PARD3B: variants seen among roughly 807,000 people sequenced by gnomAD.
The protein encoded by PARD3B is par-3 family cell polarity regulator beta, also known as partitioning defective 3 homolog B.
In PARD3B, 103 loss-of-function variants were observed where a neutral mutation model predicts 130.2. The observed-to-expected ratio is 0.79, with a 90% CI of 0.67 to 0.93. The LOEUF is 0.93. Ranked by LOEUF, PARD3B falls within the 40% of genes least tolerant of loss-of-function variation. PARD3B has a pLI of 0.00. For synonymous variants in PARD3B, 583 were observed against 553.2 expected (o/e 1.05, Z -0.76); for missense variants, 1,609 against 1,499.2 (o/e 1.07, Z -1.21).
At chr2:204,718,803 G>T (rs77192198) in intron 2 of PARD3B, among the ~76,000 whole-genome samples, 1 of 152,200 alleles carries the variant, frequency 6.6e-6, no homozygotes, top group Non-Finnish European at 1.5e-5. Context: ...TGAGATATGT[G>T]TATCCCTGAG....
chr2:204,896,736 A>G (rs1022435335), intron 2 of PARD3B, among the ~76,000 whole-genome samples: 2 of 152,216 alleles, frequency 1.3e-5, no homozygotes, highest in African/African-American at 2.4e-5. Context: ...GGAGTGGACA[A>G]TATCTATTTA....
rs1019607656 is a variant in PARD3B at position 205,185,635 on chromosome 2, G to T, written c.1925-129G>T. The T allele has an allele frequency of 4.3e-5, 29 of 676,464 alleles. No individual in the cohort carries two copies. In the African/African-American group the frequency reaches 4.4e-4, roughly 10 times the overall value. 41.9% of individuals were successfully genotyped at this position (676,464 alleles called of 1,614,324 possible). The stretch of plus-strand genomic sequence containing the variant: ...ATAAGGATCCTTCAGTTCTGTATGA[G>T]AACTTATTTATTTCAGGGCTGGTTT... On this transcript the variant is annotated intron_variant, in intron 13 of 22. Transcript: ENST00000406610.
intron 19 of PARD3B, among the ~76,000 whole-genome samples, chr2:205,429,279 A>G (rs184739841): frequency 2.1e-3 from 321 of 152,242 alleles, no homozygotes; most frequent in African/African-American, 7.5e-3. Flanking sequence ...CTAGGACACT[A>G]ACTCCTGACT....
intron 4 of PARD3B, among the ~76,000 whole-genome samples, chr2:205,053,611 G>C (rs1009155303): frequency 4.0e-5 from 6 of 150,734 alleles, no homozygotes; most frequent in Non-Finnish European, 8.8e-5. Flanking sequence ...CTGCCCTCCA[G>C]CCTGGGCAGC....
intron 1 of PARD3B, among the ~76,000 whole-genome samples, chr2:204,682,473 G>T (rs1000713334): frequency 2.0e-5 from 3 of 152,106 alleles, no homozygotes; most frequent in Non-Finnish European, 4.4e-5. Context: ...TCATTTTGTG[G>T]ATATGTGCCA....
intron 13 of PARD3B, among the ~76,000 whole-genome samples, chr2:205,184,915 G>A (rs1360413438): frequency 6.6e-6 from 1 of 152,048 alleles, no homozygotes; most frequent in African/African-American, 2.4e-5. Flanking sequence ...CAGTAGGGTT[G>A]GAAACATGGC....
chr2:205,596,680 G>T (rs1337230336), intron 22 of PARD3B, among the ~76,000 whole-genome samples: 1 of 152,174 alleles, frequency 6.6e-6, no homozygotes, highest in Non-Finnish European at 1.5e-5. Context: ...TGCTGGGTAT[G>T]GGGGAGAATG....
At chr2:205,109,349 G>C (rs1012826988) in intron 5 of PARD3B, among the ~76,000 whole-genome samples, 5 of 152,172 alleles carry the variant, frequency 3.3e-5, no homozygotes, top group Admixed American at 3.3e-4. Context: ...TCAGCCATGT[G>C]CTGCAGTCCT....
At chr2:204,697,712 C>T (rs940382945) in intron 2 of PARD3B, among the ~76,000 whole-genome samples, 9 of 152,034 alleles carry the variant, frequency 5.9e-5, no homozygotes, top group African/African-American at 2.2e-4. Flanking sequence ...TCCGTTGTCC[C>T]CTTTCTCCCT....
chr2:205,236,501 G>A (rs2039068580), intron 15 of PARD3B, among the ~76,000 whole-genome samples: 1 of 152,138 alleles, frequency 6.6e-6, no homozygotes, highest in South Asian at 2.1e-4. Context: ...GCCAAGGAGA[G>A]ATGCCCCAGG....
chr2:205,026,262 T>C (rs534144326), intron 3 of PARD3B, among the ~76,000 whole-genome samples: 1 of 152,206 alleles, frequency 6.6e-6, no homozygotes, highest in South Asian at 2.1e-4. Context: ...TAGGGCAGTC[T>C]GGGTGAATTT....
At chr2:204,617,282 A>C (rs1452461130) in intron 1 of PARD3B, among the ~76,000 whole-genome samples, 1 of 152,166 alleles carries the variant, frequency 6.6e-6, no homozygotes, top group Non-Finnish European at 1.5e-5. Flanking sequence ...TGATTCTTTC[A>C]AGCCTCCTTT....
At chr2:205,495,691 G>T (rs1045165177) in intron 20 of PARD3B, among the ~76,000 whole-genome samples, 6 of 152,168 alleles carry the variant, frequency 3.9e-5, no homozygotes, top group Non-Finnish European at 7.4e-5. Context: ...TTCTTGTTCA[G>T]TATCTTGCTA....
At chr2:204,842,393 CCTTTA>C (rs1404575613) in intron 2 of PARD3B, among the ~76,000 whole-genome samples, 1 of 151,844 alleles carries the variant, frequency 6.6e-6, no homozygotes, top group Non-Finnish European at 1.5e-5. Flanking sequence ...GCTTTCATTT[CCTTTA>C]AAGAATAATA....
chr2:205,009,435 G>T (rs1425582883), intron 3 of PARD3B, among the ~76,000 whole-genome samples: 3 of 152,138 alleles, frequency 2.0e-5, no homozygotes, highest in Non-Finnish European at 4.4e-5. Flanking sequence ...ACTTTGGGAG[G>T]CAGAGGCGGG....
At position 205,551,791 on chromosome 2, in the gene PARD3B, G is replaced by A. The variant is rs183866154; in HGVS notation, c.3181-1533G>A. Among the ~76,000 whole-genome samples the A allele has an allele frequency of 1.6e-4, 25 of 152,286 alleles. No individual in the cohort carries two copies. The East Asian group carries it at 4.8e-3, about 29-fold the overall frequency. ...GGTAAGAAGAAAATAACTTCCAGGT[G>A]GTTGATTACCGCCTAGAAAAATTTT... On this transcript the variant is annotated intron_variant, in intron 21 of 22. Coordinates refer to ENST00000406610, the MANE Select transcript of PARD3B (RefSeq NM_001302769.2).
intron 22 of PARD3B, among the ~76,000 whole-genome samples, chr2:205,600,669 G>A (rs956933191): frequency 3.9e-5 from 6 of 152,076 alleles, no homozygotes; most frequent in South Asian, 4.2e-4. Flanking sequence ...CTGCCACCCC[G>A]ACAGGTCCCA....
intron 2 of PARD3B, among the ~76,000 whole-genome samples, chr2:204,767,925 G>A (rs374282499): frequency 3.3e-4 from 1 of 3,036 alleles, no homozygotes; most frequent in African/African-American, 1.6e-3. Context: ...AGTAGGTTGC[G>A]AAAATTTTCT....
chr2:204,601,817 C>T (rs2033526262), intron 1 of PARD3B, among the ~76,000 whole-genome samples: 1 of 151,994 alleles, frequency 6.6e-6, no homozygotes, highest in Non-Finnish European at 1.5e-5. Flanking sequence ...AAGATTTCAT[C>T]TACATTATTC....
Sources: allele counts gnomAD v4.1 joint callset (sites outside exome capture counted in the v4.1 genomes callset), GRCh38; gene constraint gnomAD v4.1.1; transcripts MANE v1.5; gene names NCBI Gene and HGNC (gene_info 2026-07-23, HGNC 2026-07-21).